NIPSNAP2: variants seen among roughly 807,000 people sequenced by gnomAD.
The protein encoded by NIPSNAP2 is protein NipSnap homolog 2.
Under a neutral mutation model 48.4 loss-of-function variants are expected in NIPSNAP2, and 42 were observed. The ratio of observed to expected loss-of-function variants is 0.87; its 90% CI spans 0.68 to 1.12. The LOEUF (loss-of-function observed/expected upper bound fraction) is 1.12, where lower values mean the gene tolerates loss of function less well. Ranked by LOEUF, NIPSNAP2 falls within the 50% of genes most tolerant of loss-of-function variation. NIPSNAP2 has a pLI of 0.00. For missense variants in NIPSNAP2, 314 were observed against 347.3 expected, an observed-to-expected ratio of 0.90 and a Z score of 0.76; for synonymous variants, 158 against 126.6, an observed-to-expected ratio of 1.25 and a Z score of -1.67.
chr7:55,979,092 A>T (rs1385569527), intron 3 of NIPSNAP2: 1 of 152,300 alleles, frequency 6.6e-6, no homozygotes, highest in Non-Finnish European at 1.5e-5. Flanking sequence ...TTAAGAAAGC[A>T]AACAATTTTG....
intron 1 of NIPSNAP2, among the ~76,000 whole-genome samples, chr7:55,976,682 T>G (rs1011347367): frequency 1.3e-4 from 20 of 152,228 alleles, no homozygotes; most frequent in Admixed American, 1.2e-3. Context: ...GGCCAGGAGT[T>G]TGAGAACAAC....
At chr7:55,982,148 C>T in intron 4 of NIPSNAP2, 62 bp from the exon 5 acceptor site, 1 of 1,066,902 alleles carries the variant, frequency 9.4e-7, no homozygotes, top group South Asian at 1.3e-5. Flanking sequence ...CTATCTAGAA[C>T]ATTTTCAAGT....
chr7:55,968,940 A>G (rs939779914), intron 1 of NIPSNAP2, among the ~76,000 whole-genome samples: 3 of 151,966 alleles, frequency 2.0e-5, no homozygotes, highest in African/African-American at 7.3e-5. Flanking sequence ...CCAGCTATAC[A>G]GGTGGCTGAA....
At chr7:55,975,469 A>G (rs1319315287) in intron 1 of NIPSNAP2, among the ~76,000 whole-genome samples, 1 of 152,122 alleles carries the variant, frequency 6.6e-6, no homozygotes, top group Non-Finnish European at 1.5e-5. Context: ...TCAGAAGGCT[A>G]CCCTTCTGTA....
chr7:55,983,519 T>C (rs945262587), intron 5 of NIPSNAP2, among the ~76,000 whole-genome samples: 1 of 152,204 alleles, frequency 6.6e-6, no homozygotes, highest in Non-Finnish European at 1.5e-5. Flanking sequence ...ACCAAGTAAT[T>C]TGTCATCTAA....
chr7:55,970,685 C>A (rs1312267907), intron 1 of NIPSNAP2, among the ~76,000 whole-genome samples: 1 of 152,156 alleles, frequency 6.6e-6, no homozygotes, highest in Non-Finnish European at 1.5e-5. Context: ...GCCTCGCCCT[C>A]ACGGTCCTCC....
intron 7 of NIPSNAP2, among the ~76,000 whole-genome samples, chr7:55,988,450 A>G (rs1432247732): frequency 1.3e-5 from 2 of 152,128 alleles, no homozygotes; most frequent in African/African-American, 4.8e-5. Flanking sequence ...GCTGTAACTT[A>G]AAAGAGATAG....
intron 9 of NIPSNAP2, among the ~76,000 whole-genome samples, 190 bp from the exon 10 acceptor site, chr7:55,998,818 C>G (rs988686530): frequency 6.6e-6 from 1 of 152,096 alleles, no homozygotes; most frequent in African/African-American, 2.4e-5. Flanking sequence ...TTAATAGCAT[C>G]TTGTAGGATG....
At chr7:55,980,562 CA>C (rs1181057066) in intron 3 of NIPSNAP2, 3 of 152,158 alleles carry the variant, frequency 2.0e-5, no homozygotes, top group Non-Finnish European at 4.4e-5. Flanking sequence ...TTTTTCTATT[CA>C]AAAAGTGTGC....
chr7:55,978,049 C>T, intron 1 of NIPSNAP2, 77 bp from the exon 2 acceptor site: 1 of 1,528,262 alleles, frequency 6.5e-7, no homozygotes. Flanking sequence ...AGAATAGCTG[C>T]TCACTGTGTT....
intron 1 of NIPSNAP2, among the ~76,000 whole-genome samples, chr7:55,976,179 ACT>A (rs1787104714): frequency 6.9e-6 from 1 of 145,066 alleles, no homozygotes; most frequent in South Asian, 2.1e-4. Flanking sequence ...TTAACAGCTC[ACT>A]CTGTATGTGT....
intron 3 of NIPSNAP2, 137 bp downstream of exon 3, chr7:55,978,532 CTG>C: frequency 1.2e-6 from 1 of 811,026 alleles, no homozygotes; most frequent in Non-Finnish European, 1.9e-6. Flanking sequence ...GGCTCTTAAA[CTG>C]AGCTTCATGT....
At chr7:55,965,045 C>T (rs1786862122) in intron 1 of NIPSNAP2, 1 of 156,144 alleles carries the variant, frequency 6.4e-6, no homozygotes, top group Admixed American at 6.5e-5. Context: ...ACAGCGCGCG[C>T]CTGAGGCCGC....
At position 55,978,225 on chromosome 7, in the gene NIPSNAP2, C is replaced by G. The variant is rs773953831; in HGVS notation, c.192C>G (p.Leu64=). ...VDPRKDAHSN[L]LAKKETSNLY... is the part of the protein sequence containing the mutation. ...CAAGAAAAGATGCCCACTCCAATCT[C>G]CTAGCCAAAAAGGAAACAAGCAATC... Residue 64 remains leucine, a synonymous_variant, in exon 2 of 10, where the codon CTC becomes CTG. Coordinates refer to ENST00000322090, the MANE Select transcript of NIPSNAP2 (RefSeq NM_001483.3). The G allele has an allele frequency of 6.2e-7, 1 of 1,614,168 alleles. No individual in the cohort carries two copies. The highest frequency in any genetic ancestry group is 1.7e-5 in the Admixed American group (1 of 60,020).
chr7:55,986,157 G>C (rs1263159413), intron 7 of NIPSNAP2, among the ~76,000 whole-genome samples: 2 of 151,558 alleles, frequency 1.3e-5, no homozygotes, highest in Non-Finnish European at 2.9e-5. Flanking sequence ...CCAGACGTTT[G>C]AGACTTTGAG....
Position 55,989,926 on chromosome 7 carries a change from G to A in NIPSNAP2, c.618-4968G>A, listed in dbSNP as rs565955325. On this transcript the variant is annotated intron_variant, in intron 7 of 9. Transcript: ENST00000322090. ...GTTTGACACCAGCCTGGCCAACATG[G>A]TGAAACCCTGTCTACTAAAAATCCA... Among the ~76,000 whole-genome samples the A allele has an allele frequency of 1.2e-3, 184 of 149,482 alleles. 1 individual carries two copies. The highest frequency in any genetic ancestry group is 3.4e-3 in the Middle Eastern group (1 of 294).
In NIPSNAP2 at chr7:55,997,372, G is replaced by A. The variant is rs1177883153; in HGVS notation, c.719G>A (p.Arg240Lys). The change falls in exon 9 of 10, where the codon AGG becomes AAG. Residue 240 changes from arginine to lysine, a missense_variant. Arg to Lys is a conservative substitution (Grantham distance 26). This residue lies in a region of NIPSNAP2 where 116 missense variants were observed against 161.8 expected (regional missense o/e 0.72). Coordinates refer to ENST00000322090, the MANE Select transcript of NIPSNAP2 (RefSeq NM_001483.3). The part of the protein sequence containing the change: ...LYMVHHLWAY[R>K]DLQTREDIRN... The stretch of plus-strand genomic sequence containing the variant: ...CTGTGTGGTTATTTTTAAGCTTACA[G>A]GGATCTTCAGACCAGGGAAGACATA... The A allele has an allele frequency of 6.2e-7, 1 of 1,613,060 alleles. No homozygotes were observed. Among genetic ancestry groups the A allele is most frequent in the East Asian group, 2.2e-5 (1 of 44,848 alleles).
chr7:55,976,258 C>T (rs931238290), intron 1 of NIPSNAP2, among the ~76,000 whole-genome samples: 1 of 152,204 alleles, frequency 6.6e-6, no homozygotes, highest in Non-Finnish European at 1.5e-5. Context: ...CACATCAGTG[C>T]ACATAAATCT....
Position 56,000,155 on chromosome 7 carries a change from CAAT to C in NIPSNAP2, c.*1086_*1088del, listed in dbSNP as rs1381802883. On this transcript the variant is annotated 3_prime_UTR_variant, in exon 10 of 10. Transcript: ENST00000322090. ...ATTTTCTCAAAGAACATAGAAAAGTCAATAAAATCCTCTTAATTTCCACATATC... is the reference window on the plus strand; with the variant it reads ...ATTTTCTCAAAGAACATAGAAAAGTCAAAATCCTCTTAATTTCCACATATC... The C allele has an allele frequency of 2.6e-5, 4 of 152,586 alleles. No individual in the cohort carries two copies. Among genetic ancestry groups the C allele is most frequent in the South Asian group, 2.1e-4 (1 of 4,826 alleles). The allele number at this position is 152,586 out of a possible 1,614,324, so 9.5% of individuals were successfully genotyped here.
Sources: allele counts gnomAD v4.1 joint callset (sites outside exome capture counted in the v4.1 genomes callset), GRCh38; gene constraint gnomAD v4.1.1; regional missense constraint gnomAD v4.1.1; transcripts MANE v1.5; gene names NCBI Gene and HGNC (gene_info 2026-07-23, HGNC 2026-07-21).